The following ACBD5 variants were observed in gnomAD, a reference collection of about 807,000 sequenced individuals.
The protein encoded by ACBD5 is acyl-CoA binding domain containing 5.
A neutral mutation model predicts 71.8 loss-of-function variants in ACBD5; 40 were observed. The ratio of observed to expected loss-of-function variants is 0.56; its 90% CI spans 0.43 to 0.72. The LOEUF (loss-of-function observed/expected upper bound fraction) is 0.72. Ranked by LOEUF, ACBD5 falls within the 30% of genes least tolerant of loss-of-function variation. ACBD5 has a pLI of 0.00. For synonymous variants in ACBD5, 229 were observed against 218.6 expected (o/e 1.05, Z -0.42); for missense variants, 559 against 644.5 (o/e 0.87, Z 1.44).
At chr10:27,216,068 T>C (rs1261619571) in intron 7 of ACBD5, among the ~76,000 whole-genome samples, 1 of 152,060 alleles carries the variant, frequency 6.6e-6, no homozygotes, top group Non-Finnish European at 1.5e-5. Flanking sequence ...GAGACAGGGT[T>C]TCTCCATATT....
intron 2 of ACBD5, among the ~76,000 whole-genome samples, chr10:27,236,884 CAAAAA>C (rs5783998): frequency 1.1e-5 from 1 of 87,164 alleles, no homozygotes; most frequent in Admixed American, 1.3e-4. Context: ...GACTTGGTCT[CAAAAA>C]AAAAAAAAAA....
chr10:27,230,246 C>A (rs2063677443), intron 4 of ACBD5, among the ~76,000 whole-genome samples: 1 of 151,400 alleles, frequency 6.6e-6, no homozygotes, highest in South Asian at 2.1e-4. Context: ...ACAAAGTCTA[C>A]CAAATAAAAA....
intron 13 of ACBD5, chr10:27,186,409 T>C: frequency 1.2e-6 from 2 of 1,614,210 alleles, no homozygotes; most frequent in Non-Finnish European, 1.7e-6. Context: ...TTCAGTGATG[T>C]GGACTGGGAA....
At chr10:27,193,877 A>G (rs142163297), downstream of ACBD5, among the ~76,000 whole-genome samples, 129 of 152,322 alleles carry the variant, frequency 8.5e-4, 2 homozygotes, top group African/African-American at 2.6e-3. Flanking sequence ...TTTCTATTAC[A>G]TGAAGCAGAA....
At chr10:27,235,833 C>T (rs1342580854) in intron 2 of ACBD5, among the ~76,000 whole-genome samples, 1 of 152,106 alleles carries the variant, frequency 6.6e-6, no homozygotes, top group Non-Finnish European at 1.5e-5. Context: ...TTTAAATTGG[C>T]CAGTTGTGGT....
At position 27,240,630 on chromosome 10, in the gene ACBD5, C is replaced by A. The variant is rs948527444; in HGVS notation, c.15+44G>T. ...TCCTTCCTCCTCCCCCGGGGCGTGA[C>A]TAAGGCCACGAATCCGGCCCGCGAC... On this transcript the variant is annotated intron_variant, in intron 1 of 12. Transcript: ENST00000396271. This position sits in a 1 kb window ranked among gnomAD's most constrained non-coding sequence, Gnocchi z 4.1. The A allele has an allele frequency of 3.9e-6, 6 of 1,551,068 alleles. No individual in the cohort carries two copies. Among genetic ancestry groups the A allele is most frequent in the Non-Finnish European group, 5.2e-6 (6 of 1,146,984 alleles).
At position 27,219,808 on chromosome 10, in the gene ACBD5, A is replaced by T; in HGVS notation, c.540T>A (p.Gly180=). The change falls in exon 6 of 13, where the codon GGT becomes GGA. Residue 180 remains glycine (G), a synonymous_variant. Transcript: ENST00000396271. The part of the protein sequence containing the change: ...TSTPNAKTVN[G]KAESSDSGAE... ...CTCCACTGTCACTGCTTTCAGCTTT[A>T]CCATTAACGGTTTTGGCGTTTGGAG... The T allele has an allele frequency of 6.2e-7, 1 of 1,614,064 alleles. No individual in the cohort carries two copies. Among genetic ancestry groups the T allele is most frequent in the Non-Finnish European group, 8.5e-7 (1 of 1,179,994 alleles).
In ACBD5 at chr10:27,219,686, T is replaced by C. The variant is rs757243364; in HGVS notation, c.625+37A>G. 1.9e-6 allele frequency: 3 copies of C among 1,612,114 alleles called. No homozygotes were observed. The South Asian group carries it at 3.3e-5, about 18-fold the overall frequency. On this transcript the variant is annotated intron_variant, in intron 6 of 12. Coordinates refer to ENST00000396271, the MANE Select transcript of ACBD5 (RefSeq NM_145698.5). The stretch of plus-strand genomic sequence containing the variant: ...ATGTCTTCATACCCTCTTAGTTTAT[T>C]TATTGCAAAATTACTAACTGATTTT...
chr10:27,185,027 T>TG (rs1415724338), intron 13 of ACBD5, among the ~76,000 whole-genome samples: 4 of 152,116 alleles, frequency 2.6e-5, no homozygotes, highest in Admixed American at 1.3e-4. Flanking sequence ...GTTGTAGAGA[T>TG]GCAAGTCAGT....
chr10:27,186,390 C>T (rs1415023193), intron 13 of ACBD5: 1 of 1,613,996 alleles, frequency 6.2e-7, no homozygotes, highest in Non-Finnish European at 8.5e-7. Context: ...GCTAAAACGT[C>T]ATCCTCTCTT....
intron 6 of ACBD5, among the ~76,000 whole-genome samples, chr10:27,218,498 A>T (rs2061925906): frequency 6.6e-6 from 1 of 152,194 alleles, no homozygotes; most frequent in Non-Finnish European, 1.5e-5. Flanking sequence ...AGCAGTGCGA[A>T]GGGGTCCACA....
chr10:27,182,983 G>T (rs1339916008), intron 13 of ACBD5, among the ~76,000 whole-genome samples: 1 of 152,148 alleles, frequency 6.6e-6, no homozygotes, highest in Admixed American at 6.6e-5. Context: ...GTTTTTCAAA[G>T]CCTGATAAAG....
chr10:27,220,039 C>T (rs1423475142), intron 5 of ACBD5, among the ~76,000 whole-genome samples, 182 bp from the exon 6 acceptor site: 1 of 152,080 alleles, frequency 6.6e-6, no homozygotes, highest in Non-Finnish European at 1.5e-5. Context: ...CAAATTCCTT[C>T]AATTATCACC....
At chr10:27,183,458 A>G (rs747274582) in intron 13 of ACBD5, among the ~76,000 whole-genome samples, 12 of 151,598 alleles carry the variant, frequency 7.9e-5, no homozygotes, top group Non-Finnish European at 1.6e-4. Flanking sequence ...TAATTTTTGT[A>G]TTTTTTAGTA....
intron 12 of ACBD5, among the ~76,000 whole-genome samples, chr10:27,199,895 G>A (rs1375146730): frequency 1.3e-5 from 2 of 151,940 alleles, no homozygotes; most frequent in Non-Finnish European, 2.9e-5. Context: ...GGGAGACTGA[G>A]AGACAATAGC....
intron 8 of ACBD5, 144 bp from the exon 9 acceptor site, chr10:27,211,225 T>C: frequency 1.1e-6 from 1 of 884,844 alleles, no homozygotes; most frequent in Non-Finnish European, 1.7e-6. Flanking sequence ...AAAAAATGTC[T>C]TCAATTCATA....
downstream of ACBD5, among the ~76,000 whole-genome samples, chr10:27,194,821 C>A (rs781055425): frequency 2.2e-4 from 33 of 151,612 alleles, no homozygotes; most frequent in Non-Finnish European, 3.8e-4. Flanking sequence ...CGTGGTGAAA[C>A]CCCGTCTCTA....
intron 4 of ACBD5, among the ~76,000 whole-genome samples, chr10:27,230,071 T>C (rs1382794991): frequency 3.4e-5 from 5 of 146,432 alleles, no homozygotes; most frequent in African/African-American, 1.3e-4. Flanking sequence ...TAGAAGTATG[T>C]CCTAAAAATT....
At chr10:27,231,464 C>T (rs1360030188) in intron 4 of ACBD5, among the ~76,000 whole-genome samples, 1 of 152,168 alleles carries the variant, frequency 6.6e-6, no homozygotes, top group African/African-American at 2.4e-5. Flanking sequence ...TTGCAGTGAG[C>T]CAATGTCATG....
Sources: gnomAD v4.1 joint callset for allele counts (sites outside exome capture counted in the v4.1 genomes callset) on GRCh38, gnomAD v4.1.1 for gene constraint, Gnocchi (gnomAD v3.1) non-coding constraint, MANE v1.5 for transcripts, NCBI Gene and HGNC (gene_info 2026-07-23, HGNC 2026-07-21) for gene names.